The following CDK13 variants were observed in gnomAD, a reference collection of about 807,000 sequenced individuals.
The protein encoded by CDK13 is cyclin-dependent kinase 13.
A neutral mutation model predicts 137.6 loss-of-function variants in CDK13; 40 were observed. The ratio of observed to expected loss-of-function variants is 0.29; its 90% confidence interval spans 0.23 to 0.38. CDK13 has a LOEUF of 0.38. Ranked by LOEUF, CDK13 falls within the 10% of genes least tolerant of loss-of-function variation. The pLI, the probability that CDK13 is intolerant of heterozygous loss-of-function variation, is 1.00. For missense variants in CDK13, 1,704 were observed against 1,951.8 expected (o/e 0.87, Z 2.39); for synonymous variants, 869 against 760.1 (o/e 1.14, Z -2.36).
chr7:39,957,312 G>C (rs947076026), intron 1 of CDK13, among the ~76,000 whole-genome samples: 1 of 151,352 alleles, frequency 6.6e-6, no homozygotes. Flanking sequence ...TTTTTTTCCT[G>C]TGCCCCCACA....
At chr7:40,052,175 A>G (rs201331641) in intron 7 of CDK13, among the ~76,000 whole-genome samples, 89 of 151,794 alleles carry the variant, frequency 5.9e-4, no homozygotes, top group African/African-American at 1.9e-3. Flanking sequence ...GTGACACTTT[A>G]TTTGTTTATT....
chr7:40,053,039 A>C (rs1785927700), intron 7 of CDK13, among the ~76,000 whole-genome samples: 1 of 152,210 alleles, frequency 6.6e-6, no homozygotes. Flanking sequence ...TCTCATTTAG[A>C]TCATTGACTT....
At position 39,988,031 on chromosome 7, in the gene CDK13, G is replaced by A. The variant is rs751624342; in HGVS notation, c.1644G>A (p.Val548=). Residue 548 remains valine, a synonymous_variant, in exon 2 of 14, where the codon GTG becomes GTA. Coordinates refer to ENST00000181839, the MANE Select transcript of CDK13 (RefSeq NM_003718.5). ...AGCCACCTCTTCAGGTAACGAAGGT[G>A]GAAAATAATTTGATTGTAGATAAAG... ...KTKPPLQVTK[V]ENNLIVDKAT... is the part of the protein sequence containing the mutation. The A allele has an allele frequency of 4.3e-6, 7 of 1,614,076 alleles. No homozygotes were observed. Among genetic ancestry groups the A allele is most frequent in the Middle Eastern group, 1.6e-4 (1 of 6,062 alleles).
intron 5 of CDK13, 43 bp from the exon 6 acceptor site, chr7:40,045,793 T>G: frequency 7.6e-7 from 1 of 1,314,112 alleles, no homozygotes; most frequent in Non-Finnish European, 1.1e-6. Context: ...ATGGAAAGGT[T>G]GTAGGAATAA....
intron 5 of CDK13, among the ~76,000 whole-genome samples, chr7:40,017,885 A>C (rs1405348149): frequency 6.6e-6 from 1 of 151,330 alleles, no homozygotes; most frequent in African/African-American, 2.4e-5. Flanking sequence ...TTTATCTTAC[A>C]GTGTTCTGCC....
intron 5 of CDK13, among the ~76,000 whole-genome samples, chr7:40,004,650 T>C (rs1784760010): frequency 6.6e-6 from 1 of 152,226 alleles, no homozygotes; most frequent in Non-Finnish European, 1.5e-5. Flanking sequence ...TAAACTAAAT[T>C]TGATTGTCTA....
In CDK13 at chr7:39,988,203, A is replaced by G. The variant is rs1321929579; in HGVS notation, c.1816A>G (p.Thr606Ala). The G allele has an allele frequency of 2.5e-6, 4 of 1,613,562 alleles. No homozygotes were observed. Among genetic ancestry groups the G allele is most frequent in the Admixed American group, 1.7e-5 (1 of 59,864 alleles). ...KEQHVALVTS[T>A]LPPLPLPPML... Reference sequence around the variant, plus strand: ...GCAACATGTAGCTTTAGTCACCTCTACATTACCACCGTTACCTTTGCCTCC... The same window carrying G: ...GCAACATGTAGCTTTAGTCACCTCTGCATTACCACCGTTACCTTTGCCTCC... Residue 606 changes from threonine to alanine, a missense_variant, in exon 2 of 14, where the codon ACA becomes GCA. Thr to Ala is a moderately conservative substitution (Grantham distance 58). Coordinates refer to ENST00000181839, the MANE Select transcript of CDK13 (RefSeq NM_003718.5).
At chr7:40,009,881 C>A (rs569761114) in intron 5 of CDK13, among the ~76,000 whole-genome samples, 2 of 152,180 alleles carry the variant, frequency 1.3e-5, no homozygotes, top group South Asian at 4.1e-4. Context: ...AGTCAAGAAA[C>A]TGAAATAAAA....
At chr7:39,971,757 C>G (rs1182584563) in intron 1 of CDK13, among the ~76,000 whole-genome samples, 1 of 152,084 alleles carries the variant, frequency 6.6e-6, no homozygotes, top group Non-Finnish European at 1.5e-5. Flanking sequence ...GTGGCGGGCG[C>G]CTATAGTCCC....
intron 1 of CDK13, among the ~76,000 whole-genome samples, chr7:39,974,645 A>G (rs943142325): frequency 4.0e-5 from 6 of 150,448 alleles, no homozygotes; most frequent in Non-Finnish European, 7.4e-5. Flanking sequence ...GCTCACTGCA[A>G]CTCTGCCTCC....
At chr7:39,992,166 GTGTGTGTGT>G (rs1562716911) in intron 2 of CDK13, among the ~76,000 whole-genome samples, 35 of 47,178 alleles carry the variant, frequency 7.4e-4, no homozygotes, top group African/African-American at 2.0e-3. Flanking sequence ...TAATGAGGGT[GTGTGTGTGT>G]GTGTGTGTGT....
intron 5 of CDK13, among the ~76,000 whole-genome samples, chr7:40,011,509 C>T (rs758736470): frequency 1.3e-5 from 2 of 152,140 alleles, no homozygotes; most frequent in African/African-American, 2.4e-5. Context: ...AACTGATTTT[C>T]GACAAGGTGG....
chr7:40,087,185 C>T (rs1016770916), intron 11 of CDK13, among the ~76,000 whole-genome samples: 2 of 152,122 alleles, frequency 1.3e-5, no homozygotes, highest in African/African-American at 2.4e-5. Flanking sequence ...GTTCTGTCGC[C>T]TAGGCTGGAG....
intron 12 of CDK13, among the ~76,000 whole-genome samples, chr7:40,088,862 C>T (rs898092162): frequency 3.3e-5 from 5 of 151,778 alleles, no homozygotes; most frequent in Admixed American, 1.3e-4. Context: ...GATGGATCAC[C>T]TGAGATCAGG....
At chr7:40,044,189 G>T (rs1023311691) in intron 5 of CDK13, among the ~76,000 whole-genome samples, 3 of 152,014 alleles carry the variant, frequency 2.0e-5, no homozygotes, top group Non-Finnish European at 4.4e-5. Flanking sequence ...GAGCCACCAC[G>T]CCTGGCTCAG....
rs1471411913 is a variant in CDK13 at position 40,069,997 on chromosome 7, G to C, written c.2780+6897G>C. On this transcript the variant is annotated intron_variant, in intron 9 of 13. Coordinates refer to ENST00000181839, the MANE Select transcript of CDK13 (RefSeq NM_003718.5). ...TGGGAGGCCGAGGCGGACAGGTCAT[G>C]AGGTCATGAGGTCAGGAGATCAAGA... 5 of 140,984 alleles carry C rather than the reference G, an allele frequency of 3.5e-5. No homozygotes were observed. In the Admixed American group the frequency reaches 3.9e-4, roughly 11 times the overall value. 8.7% of individuals were successfully genotyped at this position (140,984 alleles called of 1,614,324 possible). A position where few individuals can be genotyped will look rare whatever the true frequency, so the allele number is the denominator to read the frequency against.
rs182638549 is a variant in CDK13 at position 40,051,282 on chromosome 7, A to G, written c.2600+3405A>G. On this transcript the variant is annotated intron_variant, in intron 7 of 13. Coordinates refer to ENST00000181839, the MANE Select transcript of CDK13 (RefSeq NM_003718.5). ...ACTTCTCTTTTTTTTTTTTAAGAGA[A>G]TAATTCTGATTTCTTCAGAATCTCC... Among the ~76,000 whole-genome samples, 12 of 151,956 alleles carry G rather than the reference A, an allele frequency of 7.9e-5. No homozygotes were observed. The East Asian group carries it at 2.1e-3, about 27-fold the overall frequency.
chr7:39,978,610 T>A, intron 1 of CDK13, among the ~76,000 whole-genome samples: 1 of 152,236 alleles, frequency 6.6e-6, no homozygotes, highest in East Asian at 1.9e-4. Flanking sequence ...CAGCAAAGGT[T>A]AACATCACAA....
intron 5 of CDK13, among the ~76,000 whole-genome samples, chr7:40,039,677 C>T (rs551733665): frequency 6.6e-6 from 1 of 151,994 alleles, no homozygotes; most frequent in East Asian, 1.9e-4. Flanking sequence ...AGTGATCCAC[C>T]TGCCTCAGCC....
Sources: allele counts gnomAD v4.1 joint callset (sites outside exome capture counted in the v4.1 genomes callset), GRCh38; gene constraint gnomAD v4.1.1; transcripts MANE v1.5; gene names NCBI Gene and HGNC (gene_info 2026-07-23, HGNC 2026-07-21).